The following PPM1E variants were observed in gnomAD, a reference collection of about 807,000 sequenced individuals.
PPM1E encodes protein phosphatase 1E.
Under a neutral mutation model 65.9 loss-of-function variants are expected in PPM1E, and 20 were observed. The observed-to-expected ratio is 0.30, with a 90% CI of 0.21 to 0.44. The LOEUF (loss-of-function observed/expected upper bound fraction) is 0.44. Ranked by LOEUF, PPM1E falls within the 20% of genes least tolerant of loss-of-function variation. The pLI is 1.00. For synonymous variants in PPM1E, 352 were observed against 374.9 expected, an observed-to-expected ratio of 0.94 and a Z score of 0.70; for missense variants, 713 against 953.1, an observed-to-expected ratio of 0.75 and a Z score of 3.32.
intron 1 of PPM1E, among the ~76,000 whole-genome samples, chr17:58,877,088 C>G (rs544814568): frequency 6.6e-6 from 1 of 152,098 alleles, no homozygotes; most frequent in African/African-American, 2.4e-5. Flanking sequence ...TGGCCAAATG[C>G]GCATGTTAAA....
intron 1 of PPM1E, among the ~76,000 whole-genome samples, chr17:58,799,682 G>T (rs1425071875): frequency 6.6e-6 from 1 of 152,166 alleles, no homozygotes; most frequent in African/African-American, 2.4e-5. Context: ...CACCTCAGGT[G>T]ATCTACCCGC....
At chr17:58,775,534 G>T (rs775840792) in intron 1 of PPM1E, among the ~76,000 whole-genome samples, 3 of 152,076 alleles carry the variant, frequency 2.0e-5, no homozygotes, top group Non-Finnish European at 2.9e-5. Flanking sequence ...AACAAATTCA[G>T]CCTATATCTA....
chr17:58,899,212 G>C (rs1436688353), intron 1 of PPM1E, among the ~76,000 whole-genome samples: 1 of 151,992 alleles, frequency 6.6e-6, no homozygotes, highest in Admixed American at 6.6e-5. Context: ...GAGGTGTCAT[G>C]GTGTTCCAGC....
In PPM1E at chr17:58,763,929, A is replaced by G. The variant is rs375022874; in HGVS notation, c.464+7468A>G. ...CCATTGTTGTCTTTTATGGATGCCTAAAAGTCTAAACTGCCTAAAGTCCAA... is the reference window on the plus strand; with the variant it reads ...CCATTGTTGTCTTTTATGGATGCCTGAAAGTCTAAACTGCCTAAAGTCCAA... On this transcript the variant is annotated intron_variant, in intron 1 of 6. Transcript: ENST00000308249. 2.6e-5 allele frequency among the ~76,000 whole-genome samples: 4 copies of G among 152,250 alleles called. No homozygotes were observed. In the South Asian group the frequency reaches 6.2e-4, roughly 24 times the overall value.
At chr17:58,852,172 A>G (rs9901236) in intron 1 of PPM1E, among the ~76,000 whole-genome samples, 96,690 of 151,940 alleles carry the variant, frequency 0.64, 31,149 homozygotes, top group African/African-American at 0.71. Context: ...TCCAGGTACC[A>G]TCTGTCACGG....
intron 1 of PPM1E, among the ~76,000 whole-genome samples, chr17:58,952,962 C>A (rs187802718): frequency 3.9e-5 from 6 of 152,288 alleles, no homozygotes; most frequent in Admixed American, 1.3e-4. Context: ...GCATGAGCCA[C>A]CACCCCCGAC....
At chr17:58,853,869 C>T (rs1294872211) in intron 1 of PPM1E, among the ~76,000 whole-genome samples, 11 of 152,106 alleles carry the variant, frequency 7.2e-5, no homozygotes, top group Non-Finnish European at 1.5e-4. Context: ...AATCCTCCAG[C>T]ATTGTTTTTC....
intron 1 of PPM1E, among the ~76,000 whole-genome samples, chr17:58,768,272 C>A (rs561851513): frequency 6.6e-6 from 1 of 151,946 alleles, no homozygotes; most frequent in South Asian, 2.1e-4. Context: ...ATAGAGATGG[C>A]GGTCTCTATT....
chr17:58,792,278 A>G (rs2050163679), intron 1 of PPM1E, among the ~76,000 whole-genome samples: 1 of 148,286 alleles, frequency 6.7e-6, no homozygotes, highest in African/African-American at 2.4e-5. Context: ...TTATTACTAT[A>G]TGATATTATA....
At chr17:58,840,334 A>G (rs150170919) in intron 1 of PPM1E, among the ~76,000 whole-genome samples, 9 of 152,330 alleles carry the variant, frequency 5.9e-5, no homozygotes, top group African/African-American at 2.2e-4. Context: ...AACCTCCACC[A>G]TTAATTACAT....
At chr17:58,839,801 T>A (rs2050699592) in intron 1 of PPM1E, among the ~76,000 whole-genome samples, 1 of 152,148 alleles carries the variant, frequency 6.6e-6, no homozygotes, top group African/African-American at 2.4e-5. Flanking sequence ...TGGTAATGGA[T>A]TAACGTTGAG....
intron 1 of PPM1E, among the ~76,000 whole-genome samples, chr17:58,805,966 AAAAAAAACAAAAAAAAAACAAAAC>A (rs1284664032): frequency 1.8e-5 from 2 of 114,166 alleles, no homozygotes; most frequent in African/African-American, 8.2e-5. Flanking sequence ...AAAAACAAAA[AAAAAAAACAAAAAAAAAACAAAAC>A]AAAACAAAAC....
At chr17:58,892,906 A>G (rs553291257) in intron 1 of PPM1E, among the ~76,000 whole-genome samples, 25 of 152,348 alleles carry the variant, frequency 1.6e-4, no homozygotes, top group African/African-American at 5.1e-4. Flanking sequence ...CAATAATGAG[A>G]TAACACTACA....
At chr17:58,978,070 T>C (rs1229500148) in intron 6 of PPM1E, among the ~76,000 whole-genome samples, 1 of 152,198 alleles carries the variant, frequency 6.6e-6, no homozygotes, top group Non-Finnish European at 1.5e-5. Context: ...TAACAGATAC[T>C]AGAAATAATG....
At chr17:58,943,726 C>T (rs2052105932) in intron 1 of PPM1E, among the ~76,000 whole-genome samples, 1 of 152,140 alleles carries the variant, frequency 6.6e-6, no homozygotes, top group Non-Finnish European at 1.5e-5. Context: ...GTGGATGGGG[C>T]CCAGCAATCT....
intron 1 of PPM1E, among the ~76,000 whole-genome samples, chr17:58,840,343 A>G (rs1454811387): frequency 6.6e-6 from 1 of 152,188 alleles, no homozygotes; most frequent in Non-Finnish European, 1.5e-5. Context: ...CATTAATTAC[A>G]TTGTTAGCAT....
At position 58,759,717 on chromosome 17, in the gene PPM1E, T is replaced by C. The variant is rs142266413; in HGVS notation, c.464+3256T>C. 9.2e-4 allele frequency among the ~76,000 whole-genome samples: 140 copies of C among 152,270 alleles called. 1 individual carries two copies. The highest frequency in any genetic ancestry group is 3.3e-3 in the African/African-American group (137 of 41,540). ...AAGGGGGAAACCAATATCCCAAGAGTCTGGCACAGTTAAGTAGTTCCAGAT... is the reference window on the plus strand; with the variant it reads ...AAGGGGGAAACCAATATCCCAAGAGCCTGGCACAGTTAAGTAGTTCCAGAT... On this transcript the variant is annotated intron_variant, in intron 1 of 6. Transcript: ENST00000308249.
chr17:58,867,051 G>C (rs1273541447), intron 1 of PPM1E, among the ~76,000 whole-genome samples: 3 of 152,164 alleles, frequency 2.0e-5, no homozygotes, highest in Non-Finnish European at 4.4e-5. Flanking sequence ...TATGATCTCG[G>C]CTCACTGCAA....
At chr17:58,818,419 TAATA>T (rs1467006796) in intron 1 of PPM1E, among the ~76,000 whole-genome samples, 1 of 152,192 alleles carries the variant, frequency 6.6e-6, no homozygotes, top group Non-Finnish European at 1.5e-5. Flanking sequence ...CTGATGAAAA[TAATA>T]AATAGATCTT....
Sources: allele counts gnomAD v4.1 joint callset (sites outside exome capture counted in the v4.1 genomes callset), GRCh38; gene constraint gnomAD v4.1.1; transcripts MANE v1.5; gene names NCBI Gene and HGNC (gene_info 2026-07-23, HGNC 2026-07-21).